The following C2orf76 variants were observed in gnomAD, a reference collection of about 807,000 sequenced individuals.
The protein encoded by C2orf76 is chromosome 2 open reading frame 76.
In C2orf76, 23 loss-of-function variants were observed where a neutral mutation model predicts 16.9. The ratio of observed to expected loss-of-function variants is 1.36; its 90% CI spans 0.98 to 1.93. C2orf76 has a LOEUF of 1.93. Among genes scored for constraint, C2orf76 ranks in the 30% most tolerant of loss-of-function variants. C2orf76 has a pLI of 0.00. For synonymous variants in C2orf76, 48 were observed against 52.3 expected (o/e 0.92, Z 0.35); for missense variants, 152 against 152.6 (o/e 1.00, Z 0.02).
At chr2:119,286,967 C>T in the C2orf76 span, among the ~76,000 whole-genome samples, 1 of 152,062 alleles carries the variant, frequency 6.6e-6, no homozygotes, top group African/African-American at 2.4e-5. Context: ...TTCTTAGTAC[C>T]CCCAGTGAGC....
downstream of C2orf76, among the ~76,000 whole-genome samples, chr2:119,298,997 C>T (rs1165060944): frequency 6.6e-6 from 1 of 152,076 alleles, no homozygotes; most frequent in Non-Finnish European, 1.5e-5. Context: ...CTCACTGCAG[C>T]CTTGACCTCC....
intron 1 of C2orf76, among the ~76,000 whole-genome samples, chr2:119,347,518 C>T (rs1680243205): frequency 6.6e-6 from 1 of 152,064 alleles, no homozygotes; most frequent in African/African-American, 2.4e-5. Flanking sequence ...AAATGATGAC[C>T]TGTATTTGCT....
chr2:119,298,085 A>G (rs1678566921), downstream of C2orf76, among the ~76,000 whole-genome samples: 1 of 152,218 alleles, frequency 6.6e-6, no homozygotes. Context: ...CTGAAACTAT[A>G]GGCATGCATC....
At chr2:119,300,986 C>A (rs1224215725), downstream of C2orf76, among the ~76,000 whole-genome samples, 1 of 151,974 alleles carries the variant, frequency 6.6e-6, no homozygotes, top group Non-Finnish European at 1.5e-5. Context: ...GTATGCTATT[C>A]CCTCTTCCAG....
At chr2:119,366,448 G>A in intron 1 of C2orf76, 1 of 471,766 alleles carries the variant, frequency 2.1e-6, no homozygotes, top group South Asian at 1.5e-5. Context: ...AAAGTTCAGA[G>A]GAAGAAGCCT....
the C2orf76 span, among the ~76,000 whole-genome samples, chr2:119,285,952 G>C: frequency 6.6e-6 from 1 of 152,088 alleles, no homozygotes; most frequent in African/African-American, 2.4e-5. Context: ...GGCCGGCCAG[G>C]CACAGTGGCT....
At chr2:119,290,008 T>A in the C2orf76 span, among the ~76,000 whole-genome samples, 4 of 151,944 alleles carry the variant, frequency 2.6e-5, no homozygotes, top group Admixed American at 2.6e-4. Context: ...TCCAAAGAGT[T>A]ACTGGCATTG....
intron 1 of C2orf76, among the ~76,000 whole-genome samples, chr2:119,350,176 G>A (rs1680352546): frequency 6.6e-6 from 1 of 150,518 alleles, no homozygotes; most frequent in Non-Finnish European, 1.5e-5. Context: ...ACACGAACAT[G>A]GCAATCTTGC....
intron 2 of C2orf76, among the ~76,000 whole-genome samples, chr2:119,335,292 A>G (rs561679865): frequency 2.0e-5 from 3 of 152,342 alleles, no homozygotes; most frequent in South Asian, 2.1e-4. Flanking sequence ...ACACTCTAGT[A>G]GCAATGAACA....
At chr2:119,308,104 T>TC (rs1678855657) in intron 5 of C2orf76, among the ~76,000 whole-genome samples, 1 of 152,180 alleles carries the variant, frequency 6.6e-6, no homozygotes, top group Non-Finnish European at 1.5e-5. Flanking sequence ...TAACCGATTT[T>TC]CCCCAACTTC....
At chr2:119,322,870 G>T (rs1255289165) in intron 2 of C2orf76, among the ~76,000 whole-genome samples, 1 of 151,702 alleles carries the variant, frequency 6.6e-6, no homozygotes, top group Non-Finnish European at 1.5e-5. Flanking sequence ...GGAGGGCAGG[G>T]GGGTGCTGCA....
the C2orf76 span, among the ~76,000 whole-genome samples, chr2:119,296,532 T>G: frequency 6.6e-6 from 1 of 152,154 alleles, no homozygotes; most frequent in African/African-American, 2.4e-5. Flanking sequence ...CCAATATGCA[T>G]TAGCAGAAAT....
intron 4 of C2orf76, among the ~76,000 whole-genome samples, chr2:119,316,742 T>C (rs7607343): frequency 0.27 from 40,581 of 151,898 alleles, 6,329 homozygotes; most frequent in African/African-American, 0.43. Flanking sequence ...TAATATCTTA[T>C]TCTTGAGTAG....
chr2:119,339,388 A>C (rs948176777), intron 2 of C2orf76, among the ~76,000 whole-genome samples: 3 of 152,094 alleles, frequency 2.0e-5, no homozygotes, highest in Non-Finnish European at 4.4e-5. Context: ...TGTGACCACA[A>C]TTATCAGCAG....
intron 3 of C2orf76, among the ~76,000 whole-genome samples, chr2:119,319,503 A>G (rs1479008406): frequency 6.6e-6 from 1 of 152,240 alleles, no homozygotes; most frequent in Non-Finnish European, 1.5e-5. Context: ...AAGCAACCTC[A>G]TAAAAATATC....
At chr2:119,335,059 A>G (rs1305565976) in intron 2 of C2orf76, among the ~76,000 whole-genome samples, 1 of 152,238 alleles carries the variant, frequency 6.6e-6, no homozygotes, top group African/African-American at 2.4e-5. Flanking sequence ...AGAGGAAGCT[A>G]GAATGACCCA....
chr2:119,314,014 G>GTTTTTTTTTTTTTTT (rs368623211), intron 4 of C2orf76, among the ~76,000 whole-genome samples: 2 of 86,166 alleles, frequency 2.3e-5, no homozygotes, highest in African/African-American at 5.0e-5. Flanking sequence ...TTTCTCAGTG[G>GTTTTTTTTTTTTTTT]TTTTTTTTTT....
At chr2:119,286,078 T>C in the C2orf76 span, among the ~76,000 whole-genome samples, 3 of 151,818 alleles carry the variant, frequency 2.0e-5, no homozygotes, top group African/African-American at 7.3e-5. Flanking sequence ...ATACAAAAAT[T>C]AGCTGGGCAT....
the C2orf76 span, among the ~76,000 whole-genome samples, chr2:119,282,939 T>C: frequency 5.3e-5 from 8 of 152,228 alleles, no homozygotes; most frequent in Non-Finnish European, 8.8e-5. Flanking sequence ...ATGCTCGTCC[T>C]TGGGAGAGCT....
Sources: allele counts gnomAD v4.1 joint callset (sites outside exome capture counted in the v4.1 genomes callset), GRCh38; gene constraint gnomAD v4.1.1; transcripts MANE v1.5; gene names NCBI Gene and HGNC (gene_info 2026-07-23, HGNC 2026-07-21).